Variants in TTC6 observed in about 807,000 individuals in gnomAD.
TTC6 encodes tetratricopeptide repeat protein 6.
Under a neutral mutation model 210.4 loss-of-function variants are expected in TTC6, and 172 were observed. The ratio of observed to expected loss-of-function variants is 0.82; its 90% CI spans 0.72 to 0.93. The LOEUF is 0.93. Among genes scored for constraint, TTC6 ranks in the 40% least tolerant of loss-of-function variants. The pLI, the probability that TTC6 is intolerant of heterozygous loss-of-function variation, is 0.00. For missense variants in TTC6, 2,414 were observed against 2,318.1 expected, an observed-to-expected ratio of 1.04 and a Z score of -0.85; for synonymous variants, 804 against 819.6, an observed-to-expected ratio of 0.98 and a Z score of 0.32.
At chr14:37,788,078 TCAGCC>T (rs2096072031) in intron 15 of TTC6, among the ~76,000 whole-genome samples, 1 of 152,086 alleles carries the variant, frequency 6.6e-6, no homozygotes, top group South Asian at 2.1e-4. Context: ...CTCCATAGGC[TCAGCC>T]CAAGGGATTT....
rs1267377762 is a variant in TTC6 at position 37,738,808 on chromosome 14, G to GAA, written c.2017_2018dup (p.Ile674ArgfsTer3). ...AATCTTCTGTAGACTTGAGGAAGGA[G>GAA]AAGATCATAGCTCCTTTGGAAATCA... On this transcript the variant is annotated frameshift_variant, in exon 10 of 31. Coordinates refer to ENST00000553443, the Ensembl canonical transcript of TTC6. LOFTEE classifies it high-confidence loss of function. The GAA allele has an allele frequency of 1.3e-6, 2 of 1,519,050 alleles. No individual in the cohort carries two copies. Among genetic ancestry groups the GAA allele is most frequent in the Non-Finnish European group, 1.8e-6 (2 of 1,141,020 alleles). The allele number at this position is 1,519,050 out of a possible 1,614,324, so 94.1% of individuals were successfully genotyped here.
rs138910635 is a variant in TTC6 at position 37,714,906 on chromosome 14, G to C, written c.1713+110G>C. 757 of 1,016,798 alleles carry C rather than the reference G, an allele frequency of 7.4e-4. 15 individuals carry two copies. In the East Asian group the frequency reaches 0.019, roughly 25 times the overall value. The allele number at this position is 1,016,798 out of a possible 1,614,324, so 63.0% of individuals were successfully genotyped here. On this transcript the variant is annotated intron_variant, in intron 6 of 30. Transcript: ENST00000553443. The stretch of plus-strand genomic sequence containing the variant: ...AAATTATTGAGGGCTGGCCAGGTGT[G>C]GTAGCTCACGCCTGTAATCCCAGAA...
At chr14:37,794,646 T>G (rs149066238) in intron 17 of TTC6, among the ~76,000 whole-genome samples, 2 of 152,212 alleles carry the variant, frequency 1.3e-5, no homozygotes, top group Non-Finnish European at 2.9e-5. Context: ...TTCATTTACT[T>G]AATTTTTGTG....
intron 1 of TTC6, among the ~76,000 whole-genome samples, chr14:37,647,715 C>A (rs1012170702): frequency 6.6e-6 from 1 of 152,002 alleles, no homozygotes; most frequent in African/African-American, 2.4e-5. Context: ...CATCAGTGAT[C>A]AGATGGTATT....
At chr14:37,786,274 C>G (rs1012603934) in intron 14 of TTC6, among the ~76,000 whole-genome samples, 1 of 152,170 alleles carries the variant, frequency 6.6e-6, no homozygotes, top group Non-Finnish European at 1.5e-5. Flanking sequence ...TGGGCTCCAC[C>G]CAGTTCGAGT....
chr14:37,724,403 C>T (rs1214445045), intron 6 of TTC6, among the ~76,000 whole-genome samples: 1 of 152,098 alleles, frequency 6.6e-6, no homozygotes, highest in Non-Finnish European at 1.5e-5. Flanking sequence ...CTTCTCAATA[C>T]CATGCTTCTA....
chr14:37,807,222 T>G, intron 22 of TTC6, 98 bp from the exon 25 acceptor site: 1 of 1,119,864 alleles, frequency 8.9e-7, no homozygotes, highest in Non-Finnish European at 1.2e-6. Flanking sequence ...ATACCCTTTT[T>G]GGGAGGCATA....
intron 2 of TTC6, among the ~76,000 whole-genome samples, chr14:37,681,894 T>A (rs549004504): frequency 2.6e-4 from 40 of 152,298 alleles, no homozygotes; most frequent in Middle Eastern, 3.4e-3. Context: ...ATGGAGCAGC[T>A]GAATGGCTCC....
At chr14:37,605,203 G>C (rs1021968699) in intron 1 of TTC6, among the ~76,000 whole-genome samples, 3 of 152,258 alleles carry the variant, frequency 2.0e-5, no homozygotes, top group African/African-American at 7.2e-5. Flanking sequence ...ACCAGAAATT[G>C]ATTAAACCCT....
rs184755255 is a variant in TTC6 at position 37,644,026 on chromosome 14, T to C, written c.939+21023T>C. On this transcript the variant is annotated intron_variant, in intron 1 of 30. Coordinates refer to ENST00000553443, the Ensembl canonical transcript of TTC6. ...AGTGAAAAGGCTTATTAAATATCCATTTACAATGGAATCTTTGAAAACGTT... is the reference window on the plus strand; with the variant it reads ...AGTGAAAAGGCTTATTAAATATCCACTTACAATGGAATCTTTGAAAACGTT... Among the ~76,000 whole-genome samples the C allele has an allele frequency of 2.3e-3, 357 of 152,296 alleles. 1 individual carries two copies. Among genetic ancestry groups the C allele is most frequent in the African/African-American group, 8.2e-3 (341 of 41,556 alleles).
chr14:37,814,164 C>A (rs2096136150), intron 25 of TTC6, among the ~76,000 whole-genome samples: 1 of 152,334 alleles, frequency 6.6e-6, no homozygotes, highest in Admixed American at 6.5e-5. Context: ...CAAGACCTTA[C>A]TTGATATGAC....
At chr14:37,785,605 T>G (rs2096065687) in intron 14 of TTC6, among the ~76,000 whole-genome samples, 1 of 152,244 alleles carries the variant, frequency 6.6e-6, no homozygotes, top group African/African-American at 2.4e-5. Context: ...ACCGATCGTC[T>G]GAAGCCTTTT....
chr14:37,670,524 G>A (rs989177714), intron 1 of TTC6, among the ~76,000 whole-genome samples: 1 of 138,354 alleles, frequency 7.2e-6, no homozygotes, highest in East Asian at 2.2e-4. Flanking sequence ...AGGCTGGAGT[G>A]CAGTGGCGTA....
chr14:37,778,747 G>A (rs2096045843), intron 14 of TTC6, among the ~76,000 whole-genome samples: 1 of 152,134 alleles, frequency 6.6e-6, no homozygotes, highest in African/African-American at 2.4e-5. Context: ...CCCCTGGGAG[G>A]CACCCTGGTT....
chr14:37,697,578 T>C (rs1192854324), intron 4 of TTC6, among the ~76,000 whole-genome samples: 1 of 152,140 alleles, frequency 6.6e-6, no homozygotes, highest in Admixed American at 6.6e-5. Flanking sequence ...GAAGACAGCC[T>C]TTTTATGGCC....
At chr14:37,609,100 G>A (rs1423131890) in intron 2 of TTC6, among the ~76,000 whole-genome samples, 1 of 151,884 alleles carries the variant, frequency 6.6e-6, no homozygotes, top group Non-Finnish European at 1.5e-5. Flanking sequence ...CACTTTTTCT[G>A]TCTCCCACTC....
At chr14:37,796,423 C>T in intron 19 of TTC6, 53 bp downstream of exon 21, 2 of 765,166 alleles carry the variant, frequency 2.6e-6, no homozygotes, top group Non-Finnish European at 4.1e-6. Flanking sequence ...AATTTTTATG[C>T]TATTTTGCAA....
intron 7 of TTC6, among the ~76,000 whole-genome samples, chr14:37,734,482 G>A (rs2138907985): frequency 6.6e-6 from 1 of 152,256 alleles, no homozygotes; most frequent in Middle Eastern, 3.4e-3. Flanking sequence ...TCTTTTCTCA[G>A]ATTTTGGCTC....
At chr14:37,646,420 A>G (rs117901349) in intron 1 of TTC6, among the ~76,000 whole-genome samples, 8,463 of 152,186 alleles carry the variant, frequency 0.056, 358 homozygotes, top group Non-Finnish European at 0.087. Context: ...GCTTAAAAAG[A>G]CCTTGGAAGA....
Sources: allele counts gnomAD v4.1 joint callset (sites outside exome capture counted in the v4.1 genomes callset), GRCh38; gene constraint gnomAD v4.1.1; transcripts MANE v1.5; gene names NCBI Gene and HGNC (gene_info 2026-07-23, HGNC 2026-07-21).